The following GMDS variants were observed in gnomAD, a reference collection of about 807,000 sequenced individuals.
GMDS encodes GDP-mannose 4,6 dehydratase.
In GMDS, 20 loss-of-function variants were observed where a neutral mutation model predicts 49.9. That is an observed-to-expected ratio of 0.40 (90% CI 0.28 to 0.58). GMDS has a LOEUF of 0.58. Among genes scored for constraint, GMDS ranks in the 20% least tolerant of loss-of-function variants. GMDS has a pLI of 0.42. For synonymous variants in GMDS, 177 were observed against 178.6 expected, an observed-to-expected ratio of 0.99 and a Z score of 0.07; for missense variants, 362 against 481.4, an observed-to-expected ratio of 0.75 and a Z score of 2.32.
chr6:1,716,096 C>A (rs565342922), intron 9 of GMDS, among the ~76,000 whole-genome samples: 78 of 152,296 alleles, frequency 5.1e-4, no homozygotes, highest in African/African-American at 1.8e-3. Context: ...TCATTCTCAA[C>A]AAAATCCCTG....
rs564863190 is a variant in GMDS at position 1,780,745 on chromosome 6, C to T, written c.772-38159G>A. On this transcript the variant is annotated intron_variant, in intron 7 of 10. Coordinates refer to ENST00000380815, the MANE Select transcript of GMDS (RefSeq NM_001500.4). ...AGGCTGCAGGGCTCGCTCACGCCATCACAGGAGTCCTAGTGCCTGGTGAGA... is the reference window on the plus strand; with the variant it reads ...AGGCTGCAGGGCTCGCTCACGCCATTACAGGAGTCCTAGTGCCTGGTGAGA... 1.8e-3 allele frequency among the ~76,000 whole-genome samples: 267 copies of T among 152,356 alleles called. 1 individual carries two copies. The highest frequency in any genetic ancestry group is 2.8e-3 in the Non-Finnish European group (193 of 68,030).
chr6:2,136,414 T>C (rs1363319844), intron 1 of GMDS, among the ~76,000 whole-genome samples: 1 of 152,238 alleles, frequency 6.6e-6, no homozygotes, highest in Non-Finnish European at 1.5e-5. Flanking sequence ...TGGTTCACTT[T>C]TGTTTAAAAG....
chr6:2,245,166 C>A (rs1781805268), intron 1 of GMDS, among the ~76,000 whole-genome samples, 155 bp downstream of exon 1: 1 of 152,256 alleles, frequency 6.6e-6, no homozygotes, highest in South Asian at 2.1e-4. Context: ...ACACTAACTG[C>A]ACCGTACCTT....
At chr6:2,011,895 T>C (rs1415119310) in intron 4 of GMDS, among the ~76,000 whole-genome samples, 1 of 152,220 alleles carries the variant, frequency 6.6e-6, no homozygotes, top group Non-Finnish European at 1.5e-5. Flanking sequence ...CATTCTTGTC[T>C]ACAGCAAGAC....
intron 9 of GMDS, among the ~76,000 whole-genome samples, chr6:1,671,922 C>T (rs1030238749): frequency 6.6e-6 from 1 of 152,086 alleles, no homozygotes; most frequent in Non-Finnish European, 1.5e-5. Context: ...CTTGGCTTCC[C>T]AAATTGCTAG....
In GMDS at chr6:2,245,543, A is replaced by C; in HGVS notation, c.-121T>G. On this transcript the variant is annotated 5_prime_UTR_variant, in exon 1 of 11. Coordinates refer to ENST00000380815, the MANE Select transcript of GMDS (RefSeq NM_001500.4). Reference sequence around the variant, plus strand: ...CTCTCCAGGCTGCGGGCAGGGAGGGAGAGCGCACCGCGCGACCGGCCGCCA... The same window carrying C: ...CTCTCCAGGCTGCGGGCAGGGAGGGCGAGCGCACCGCGCGACCGGCCGCCA... 1 of 488,246 alleles carries C rather than the reference A, an allele frequency of 2.0e-6. No individual in the cohort carries two copies. The highest frequency in any genetic ancestry group is 3.3e-6 in the Non-Finnish European group (1 of 301,030). The allele number at this position is 488,246 out of a possible 1,614,324, so 30.2% of individuals were successfully genotyped here.
At chr6:1,663,261 C>T (rs763709589) in intron 9 of GMDS, among the ~76,000 whole-genome samples, 5 of 152,150 alleles carry the variant, frequency 3.3e-5, no homozygotes, top group East Asian at 1.9e-4. Context: ...GTGATGGCAA[C>T]GCACAGAAGC....
At chr6:1,721,143 A>G (rs1366874631) in intron 9 of GMDS, among the ~76,000 whole-genome samples, 1 of 152,152 alleles carries the variant, frequency 6.6e-6, no homozygotes, top group Non-Finnish European at 1.5e-5. Flanking sequence ...ATTATAGGCC[A>G]TTTAACTTAA....
chr6:2,138,038 A>G (rs1776096965), intron 1 of GMDS, among the ~76,000 whole-genome samples: 1 of 152,226 alleles, frequency 6.6e-6, no homozygotes, highest in Non-Finnish European at 1.5e-5. Flanking sequence ...TGTAATAGAA[A>G]TTAATTTTTT....
chr6:1,958,737 T>A (rs1763775561), intron 6 of GMDS, among the ~76,000 whole-genome samples: 1 of 152,250 alleles, frequency 6.6e-6, no homozygotes, highest in Non-Finnish European at 1.5e-5. Flanking sequence ...GGAAAAATTA[T>A]ATGCTTACTA....
chr6:1,777,504 C>T (rs778683931), intron 7 of GMDS, among the ~76,000 whole-genome samples: 36 of 152,202 alleles, frequency 2.4e-4, no homozygotes, highest in Non-Finnish European at 4.6e-4. Context: ...AATACACACA[C>T]ACACCAGCTC....
chr6:2,174,041 G>A (rs1778148821), intron 1 of GMDS, among the ~76,000 whole-genome samples: 1 of 152,174 alleles, frequency 6.6e-6, no homozygotes, highest in South Asian at 2.1e-4. Context: ...GTAAAACCAT[G>A]AGACTGAGGA....
chr6:1,862,850 A>G (rs1258946216), intron 7 of GMDS, among the ~76,000 whole-genome samples: 5 of 152,252 alleles, frequency 3.3e-5, no homozygotes, highest in African/African-American at 1.2e-4. Context: ...TATAATGTCT[A>G]TAACACTTAT....
intron 4 of GMDS, among the ~76,000 whole-genome samples, chr6:1,979,831 G>C (rs190367888): frequency 6.6e-6 from 1 of 152,196 alleles, no homozygotes; most frequent in African/African-American, 2.4e-5. Context: ...AAGCACGTCA[G>C]ACTAACAGCA....
chr6:1,750,467 G>A (rs1463625060), intron 7 of GMDS, among the ~76,000 whole-genome samples: 2 of 152,158 alleles, frequency 1.3e-5, no homozygotes, highest in Admixed American at 6.5e-5. Flanking sequence ...CCCTCACATG[G>A]GAAGCGCAAG....
chr6:2,011,283 A>T (rs984517357), intron 4 of GMDS, among the ~76,000 whole-genome samples: 25 of 152,358 alleles, frequency 1.6e-4, no homozygotes, highest in African/African-American at 5.0e-4. Context: ...ACTATTACTA[A>T]AAAGTCTAAA....
chr6:2,197,210 C>A (rs1779310441), intron 1 of GMDS, among the ~76,000 whole-genome samples: 1 of 152,218 alleles, frequency 6.6e-6, no homozygotes, highest in Non-Finnish European at 1.5e-5. Flanking sequence ...AGAGGCTCTC[C>A]CGCACCATAA....
At chr6:2,193,090 C>T (rs1779119696) in intron 1 of GMDS, among the ~76,000 whole-genome samples, 1 of 152,182 alleles carries the variant, frequency 6.6e-6, no homozygotes, top group African/African-American at 2.4e-5. Context: ...CTGGGGGATG[C>T]TACTGGCACT....
At chr6:1,875,567 T>C (rs1759001311) in intron 7 of GMDS, among the ~76,000 whole-genome samples, 1 of 152,186 alleles carries the variant, frequency 6.6e-6, no homozygotes, top group Non-Finnish European at 1.5e-5. Flanking sequence ...AATTGCCAGA[T>C]TTTAATATTC....
Sources: allele counts gnomAD v4.1 joint callset (sites outside exome capture counted in the v4.1 genomes callset), GRCh38; gene constraint gnomAD v4.1.1; transcripts MANE v1.5; gene names NCBI Gene and HGNC (gene_info 2026-07-23, HGNC 2026-07-21).